The following POLR1B variants were observed in gnomAD, a reference collection of about 807,000 sequenced individuals.
POLR1B encodes RNA polymerase I subunit B.
In POLR1B, 30 loss-of-function variants were observed where a neutral mutation model predicts 105.8. That is an observed-to-expected ratio of 0.28 (90% CI 0.21 to 0.38). The LOEUF is 0.38. Among genes scored for constraint, POLR1B ranks in the 10% least tolerant of loss-of-function variants. The probability of loss-of-function intolerance (pLI) is 1.00; values close to 1 mark genes in which losing one functional copy is unlikely to be tolerated. For missense variants in POLR1B, 976 were observed against 1,435.8 expected, an observed-to-expected ratio of 0.68 and a Z score of 5.17; for synonymous variants, 485 against 505.1, an observed-to-expected ratio of 0.96 and a Z score of 0.53.
At chr2:112,545,548 A>G (rs1436628234) in intron 1 of POLR1B, among the ~76,000 whole-genome samples, 1 of 152,212 alleles carries the variant, frequency 6.6e-6, no homozygotes. Context: ...GAACATAACT[A>G]TTATGAATAA....
At chr2:112,550,747 C>G in intron 4 of POLR1B, 119 bp from the exon 5 acceptor site, 1 of 1,066,220 alleles carries the variant, frequency 9.4e-7, no homozygotes. Context: ...CCAGTCTTGG[C>G]TAAACTTAGT....
intron 12 of POLR1B, among the ~76,000 whole-genome samples, chr2:112,569,176 C>G (rs1684459449): frequency 6.6e-6 from 1 of 152,192 alleles, no homozygotes; most frequent in African/African-American, 2.4e-5. Context: ...TATAGAATGT[C>G]CATAGATTTG....
Position 112,543,360 on chromosome 2 carries a change from T to C in POLR1B, c.177+689T>C, listed in dbSNP as rs1237575650. Among the ~76,000 whole-genome samples, 3 of 97,062 alleles carry C rather than the reference T, an allele frequency of 3.1e-5. No homozygotes were observed. In the East Asian group the frequency reaches 8.0e-4, roughly 26 times the overall value. The allele number at this position is 97,062 out of a possible 152,430, so 63.7% of individuals were successfully genotyped here. On this transcript the variant is annotated intron_variant, in intron 1 of 14. Transcript: ENST00000263331. ...TGCATTTAAGTGCTCCCTGTCGTGT[T>C]TGGGGGTTGAAGGGGTGAAGATAAT...
At position 112,542,469 on chromosome 2, in the gene POLR1B, C is replaced by T. The variant is rs1459273771; in HGVS notation, c.-26C>T. 2 of 1,612,520 alleles carry T rather than the reference C, an allele frequency of 1.2e-6. No homozygotes were observed. The highest frequency in any genetic ancestry group is 1.7e-6 in the Non-Finnish European group (2 of 1,179,598). The stretch of plus-strand genomic sequence containing the variant: ...CTGGCGTCCGGCGTGTACCGAGAGA[C>T]TGGCGTCCGGTGTGCAGGTGGCCAC... On this transcript the variant is annotated 5_prime_UTR_variant, in exon 1 of 15. Coordinates refer to ENST00000263331, the MANE Select transcript of POLR1B (RefSeq NM_019014.6).
Position 112,579,593 on chromosome 2 carries a change from C to A in POLR1B, c.*3864C>A, listed in dbSNP as rs572252889. The A allele has an allele frequency of 2.0e-5, 3 of 152,324 alleles. No individual in the cohort carries two copies. In the South Asian group the frequency reaches 6.2e-4, roughly 32 times the overall value. 9.4% of individuals were successfully genotyped at this position (152,324 alleles called of 1,614,324 possible). A position where few individuals can be genotyped will look rare whatever the true frequency, so the allele number is the denominator to read the frequency against. On this transcript the variant is annotated 3_prime_UTR_variant, in exon 15 of 15. Transcript: ENST00000263331. ...TTGCACTTGGACCAGCCCACTATTT[C>A]TTATTTTAGCCATTCTGATAGATGT...
At position 112,575,386 on chromosome 2, in the gene POLR1B, C is replaced by T; in HGVS notation, c.3065C>T (p.Thr1022Ile). 1 of 1,614,184 alleles carries T rather than the reference C, an allele frequency of 6.2e-7. No homozygotes were observed. The highest frequency in any genetic ancestry group is 8.5e-7 in the Non-Finnish European group (1 of 1,180,034). The stretch of plus-strand genomic sequence containing the variant: ...ACAACTGGAGCCCGAGACAGAGTCA[C>T]CAACCAGCCTATTGGGGGAAGAAAT... The part of the protein sequence containing the change: ...VRTTGARDRV[T>I]NQPIGGRNVQ... The change falls in exon 15 of 15, where the codon ACC (threonine) becomes ATC (isoleucine). Residue 1022 changes from threonine to isoleucine, a missense_variant. Physicochemically the swap from Thr to Ile is moderately conservative, Grantham distance 89. This residue lies in a region of POLR1B where 13 missense variants were observed against 49.1 expected (regional missense o/e 0.26). Coordinates refer to ENST00000263331, the MANE Select transcript of POLR1B (RefSeq NM_019014.6). This position sits in a 1 kb window ranked among gnomAD's most constrained non-coding sequence, Gnocchi z 5.3.
chr2:112,571,798 A>G (rs1002331290), intron 12 of POLR1B, among the ~76,000 whole-genome samples: 2 of 152,210 alleles, frequency 1.3e-5, no homozygotes, highest in Non-Finnish European at 2.9e-5. Context: ...CATAAGGCAA[A>G]AATAAATACA....
chr2:112,567,366 C>T (rs950100766), intron 10 of POLR1B, among the ~76,000 whole-genome samples: 6 of 151,598 alleles, frequency 4.0e-5, no homozygotes, highest in African/African-American at 1.2e-4. Context: ...TCCTTTCACC[C>T]AGGAGTTTGT....
intron 10 of POLR1B, among the ~76,000 whole-genome samples, chr2:112,566,436 A>G (rs2104561342): frequency 6.6e-6 from 1 of 152,310 alleles, no homozygotes; most frequent in South Asian, 2.1e-4. Flanking sequence ...TGTGATGGTT[A>G]CCACATGGTG....
At chr2:112,546,622 C>T (rs1285552081) in intron 1 of POLR1B, among the ~76,000 whole-genome samples, 5 of 116,438 alleles carry the variant, frequency 4.3e-5, no homozygotes, top group Non-Finnish European at 4.8e-5. Flanking sequence ...AGTGCAGTGG[C>T]GTGATCTCTG....
At position 112,579,531 on chromosome 2, in the gene POLR1B, A is replaced by G. The variant is rs1347036988; in HGVS notation, c.*3802A>G. On this transcript the variant is annotated 3_prime_UTR_variant, in exon 15 of 15. Coordinates refer to ENST00000263331, the MANE Select transcript of POLR1B (RefSeq NM_019014.6). Reference sequence around the variant, plus strand: ...GTGGGAGTGGAAAAAGAACAAATAAATCTGTAAGTGGTTGTGATCAATTTG... The same window carrying G: ...GTGGGAGTGGAAAAAGAACAAATAAGTCTGTAAGTGGTTGTGATCAATTTG... 1.3e-5 allele frequency: 2 copies of G among 152,124 alleles called. No individual in the cohort carries two copies. Among genetic ancestry groups the G allele is most frequent in the African/African-American group, 4.8e-5 (2 of 41,426 alleles). The allele number at this position is 152,124 out of a possible 1,614,324, so 9.4% of individuals were successfully genotyped here.
chr2:112,547,849 T>G (rs1683138964), intron 3 of POLR1B, among the ~76,000 whole-genome samples: 1 of 151,778 alleles, frequency 6.6e-6, no homozygotes, highest in East Asian at 1.9e-4. Flanking sequence ...CAAAATTTGT[T>G]TTTTTTTTCA....
Position 112,562,231 on chromosome 2 carries a change from G to A in POLR1B, c.1613-2135G>A, listed in dbSNP as rs148270835. On this transcript the variant is annotated intron_variant, in intron 9 of 14. Transcript: ENST00000263331. ...ATTTTGTGGTTACAGAGATAATGTA[G>A]CAAGTAGGCAAATGTGCACATAATG... is the stretch of plus-strand genomic sequence containing the variant. 3.9e-3 allele frequency among the ~76,000 whole-genome samples: 596 copies of A among 152,246 alleles called. 4 individuals carry two copies. The highest frequency in any genetic ancestry group is 0.01 in the Middle Eastern group (3 of 294).
At chr2:112,547,346 T>A in intron 2 of POLR1B, 75 bp from the exon 3 acceptor site, 1 of 1,525,848 alleles carries the variant, frequency 6.6e-7, no homozygotes, top group Non-Finnish European at 9.0e-7. Flanking sequence ...TCTTCCTCAG[T>A]CTTTGAAAAT....
intron 3 of POLR1B, among the ~76,000 whole-genome samples, chr2:112,548,665 C>T (rs531072795): frequency 2.8e-4 from 42 of 151,072 alleles, no homozygotes; most frequent in African/African-American, 8.3e-4. Flanking sequence ...CAGGTTGGAG[C>T]GCAGTGGCGC....
chr2:112,548,587 A>G (rs1283413044), intron 3 of POLR1B, among the ~76,000 whole-genome samples: 4 of 152,094 alleles, frequency 2.6e-5, no homozygotes. Context: ...ACTCGTATGG[A>G]AGCAAAATGG....
At chr2:112,546,864 A>C in intron 1 of POLR1B, 148 bp from the exon 2 acceptor site, 1 of 807,492 alleles carries the variant, frequency 1.2e-6, no homozygotes, top group Non-Finnish European at 1.9e-6. Flanking sequence ...CGCCCGGCCA[A>C]CTGGAGGTAG....
chr2:112,565,073 C>T lies in POLR1B; in HGVS notation c.1746+574C>T, dbSNP rs187134420. ...AATGTTTAAACTAAATTTTAGTTTT[C>T]GTTTAAGTGCTGTTTCGGACACTTG... On this transcript the variant is annotated intron_variant, in intron 10 of 14. Coordinates refer to ENST00000263331, the MANE Select transcript of POLR1B (RefSeq NM_019014.6). Among the ~76,000 whole-genome samples, 43 of 152,228 alleles carry T rather than the reference C, an allele frequency of 2.8e-4. No homozygotes were observed. In the East Asian group the frequency reaches 7.7e-3, roughly 27 times the overall value.
rs1439100690 is a variant in POLR1B at position 112,576,497 on chromosome 2, A to C, written c.*768A>C. 3 of 152,168 alleles carry C rather than the reference A, an allele frequency of 2.0e-5. No individual in the cohort carries two copies. The highest frequency in any genetic ancestry group is 4.4e-5 in the Non-Finnish European group (3 of 68,052). The allele number at this position is 152,168 out of a possible 1,614,324, so 9.4% of individuals were successfully genotyped here. On this transcript the variant is annotated 3_prime_UTR_variant, in exon 15 of 15. Coordinates refer to ENST00000263331, the MANE Select transcript of POLR1B (RefSeq NM_019014.6). ...TTGTCTTGCATAACTGAAGCTTTAT[A>C]CCTGTTGAACAACTCTCCATTTCCC...
Sources: allele counts gnomAD v4.1 joint callset (sites outside exome capture counted in the v4.1 genomes callset), GRCh38; gene constraint gnomAD v4.1.1; regional missense constraint gnomAD v4.1.1; non-coding constraint Gnocchi (gnomAD v3.1); transcripts MANE v1.5; gene names NCBI Gene and HGNC (gene_info 2026-07-23, HGNC 2026-07-21).